BANP: variants seen among roughly 807,000 people sequenced by gnomAD.
BANP encodes the protein BTG3 associated nuclear protein, also known as protein BANP.
A neutral mutation model predicts 68.1 loss-of-function variants in BANP; 11 were observed. The observed-to-expected ratio is 0.16, with a 90% CI of 0.10 to 0.27. The LOEUF is 0.27. Among genes scored for constraint, BANP ranks in the 10% least tolerant of loss-of-function variants. The pLI, the probability that BANP is intolerant of heterozygous loss-of-function variation, is 1.00. For missense variants in BANP, 504 were observed against 722.7 expected, an observed-to-expected ratio of 0.70 and a Z score of 3.47; for synonymous variants, 329 against 303.2, an observed-to-expected ratio of 1.09 and a Z score of -0.88.
chr16:88,072,964 G>T (rs1236628654), intron 13 of BANP, among the ~76,000 whole-genome samples: 1 of 152,224 alleles, frequency 6.6e-6, no homozygotes, highest in Non-Finnish European at 1.5e-5. Context: ...CGCTGTCTTT[G>T]GGTCTGTTCC....
chr16:88,044,352 A>G (rs1250150690), intron 11 of BANP, among the ~76,000 whole-genome samples: 1 of 152,246 alleles, frequency 6.6e-6, no homozygotes, highest in African/African-American at 2.4e-5. Flanking sequence ...GCGAGAAGGC[A>G]GCTTTCCACT....
At chr16:88,008,065 A>G (rs1015736485) in intron 6 of BANP, among the ~76,000 whole-genome samples, 20 of 152,152 alleles carry the variant, frequency 1.3e-4, no homozygotes, top group African/African-American at 4.8e-4. Flanking sequence ...CACCCAGCTC[A>G]TCTCCGTCCT....
Position 87,984,170 on chromosome 16 carries a change from G to C in BANP, c.273G>C (p.Leu91=), listed in dbSNP as rs758876999. 3.1e-6 allele frequency: 5 copies of C among 1,608,366 alleles called. No individual in the cohort carries two copies. Among genetic ancestry groups the C allele is most frequent in the Non-Finnish European group, 4.2e-6 (5 of 1,176,846 alleles). The change falls in exon 4 of 14, where the codon CTG becomes CTC. Residue 91 remains leucine (L), a synonymous_variant. Coordinates refer to ENST00000682872, the MANE Select transcript of BANP (RefSeq NM_001386991.1). ...TCKSLEEKLD[L]VTNKQHSPIQ... is the part of the protein sequence containing the mutation. Reference sequence around the variant, plus strand: ...AATCCTTAGAAGAAAAGCTGGATCTGGTCACGAACAAGCAGCACAGCCCCA... The same window carrying C: ...AATCCTTAGAAGAAAAGCTGGATCTCGTCACGAACAAGCAGCACAGCCCCA...
chr16:88,062,581 G>T (rs1387942926), intron 11 of BANP, among the ~76,000 whole-genome samples: 1 of 152,180 alleles, frequency 6.6e-6, no homozygotes, highest in Non-Finnish European at 1.5e-5. Flanking sequence ...CCCCAACCAA[G>T]CCTCTCTTGA....
At chr16:88,042,221 G>A (rs1228580063) in intron 11 of BANP, among the ~76,000 whole-genome samples, 3 of 152,256 alleles carry the variant, frequency 2.0e-5, no homozygotes, top group Admixed American at 1.3e-4. Flanking sequence ...TCCCAAATGC[G>A]GGCAAGAAGT....
intron 11 of BANP, among the ~76,000 whole-genome samples, chr16:88,048,230 T>G (rs928287269): frequency 1.3e-5 from 2 of 152,252 alleles, no homozygotes; most frequent in Non-Finnish European, 2.9e-5. Context: ...TAATTTGATG[T>G]GATTGAAGAC....
chr16:88,018,256 G>A lies in BANP; in HGVS notation c.656-172G>A, dbSNP rs2075051555. ...CTGTTCCGCGTCAGTTCTTTCTTGG[G>A]CAGCAGTCGGAGGCTCCAGCGCTCT... is the stretch of plus-strand genomic sequence containing the variant. On this transcript the variant is annotated intron_variant, in intron 6 of 13. Transcript: ENST00000682872. This position sits in a 1 kb window ranked among gnomAD's most constrained non-coding sequence, Gnocchi z 7.7. Among the ~76,000 whole-genome samples the A allele has an allele frequency of 6.6e-6, 1 of 152,100 alleles. No homozygotes were observed. Among genetic ancestry groups the A allele is most frequent in the Non-Finnish European group, 1.5e-5 (1 of 68,018 alleles).
intron 1 of BANP, among the ~76,000 whole-genome samples, chr16:87,964,264 G>A (rs1352870263): frequency 6.6e-6 from 1 of 152,262 alleles, no homozygotes; most frequent in Non-Finnish European, 1.5e-5. Context: ...TTCACTGGAT[G>A]CGGTGCGGGC....
intron 11 of BANP, among the ~76,000 whole-genome samples, chr16:88,052,386 G>T (rs779865468): frequency 1.3e-5 from 2 of 152,114 alleles, no homozygotes; most frequent in African/African-American, 2.4e-5. Context: ...GAAGAGAAAT[G>T]AGATTAAATT....
intron 11 of BANP, among the ~76,000 whole-genome samples, chr16:88,063,621 C>G (rs1361123130): frequency 6.6e-6 from 1 of 152,200 alleles, no homozygotes; most frequent in Non-Finnish European, 1.5e-5. Flanking sequence ...AGACGAGTTT[C>G]AGATCCGATC....
intron 11 of BANP, among the ~76,000 whole-genome samples, chr16:88,062,221 G>A (rs544641273): frequency 2.0e-5 from 3 of 152,126 alleles, no homozygotes; most frequent in South Asian, 2.1e-4. Context: ...TTGGTTTTGC[G>A]TTGCACCTGA....
At chr16:88,066,950 C>T (rs1018264697) in intron 12 of BANP, among the ~76,000 whole-genome samples, 3 of 152,178 alleles carry the variant, frequency 2.0e-5, no homozygotes, top group South Asian at 2.1e-4. Context: ...AGCCATCGGC[C>T]GGGGCACATT....
chr16:88,043,679 G>A (rs1277284752), intron 11 of BANP, among the ~76,000 whole-genome samples: 1 of 152,140 alleles, frequency 6.6e-6, no homozygotes, highest in East Asian at 1.9e-4. Context: ...CCACAATCAG[G>A]GGCATCTGGA....
At chr16:87,963,884 C>G (rs1020814141) in intron 1 of BANP, among the ~76,000 whole-genome samples, 1 of 152,178 alleles carries the variant, frequency 6.6e-6, no homozygotes, top group African/African-American at 2.4e-5. Flanking sequence ...CAGTGGGTTT[C>G]CTTTTAGTCC....
intron 7 of BANP, among the ~76,000 whole-genome samples, chr16:88,020,115 G>A (rs1437445112): frequency 1.3e-5 from 2 of 152,224 alleles, no homozygotes; most frequent in African/African-American, 2.4e-5. Flanking sequence ...GTGGAGTAAA[G>A]CAGGTCAAGA....
intron 1 of BANP, among the ~76,000 whole-genome samples, chr16:87,968,249 C>T (rs1034628385): frequency 2.0e-5 from 3 of 150,912 alleles, no homozygotes; most frequent in Non-Finnish European, 4.4e-5. Flanking sequence ...TTTGGGAGAC[C>T]GAGGTGGGTG....
At chr16:87,981,388 T>G (rs533422860) in intron 3 of BANP, among the ~76,000 whole-genome samples, 5 of 152,366 alleles carry the variant, frequency 3.3e-5, no homozygotes, top group Admixed American at 2.0e-4. Context: ...CCTCTTCATG[T>G]TGCGGCCGCC....
At chr16:87,994,165 G>C (rs4843771) in intron 4 of BANP, among the ~76,000 whole-genome samples, 105,424 of 152,064 alleles carry the variant, frequency 0.69, 36,839 homozygotes, top group African/African-American at 0.74. Context: ...CGGCTTTTCA[G>C]CCAAACATGT....
Position 88,057,293 on chromosome 16 carries a change from G to C in BANP, c.1312-7974G>C, listed in dbSNP as rs1032243790. On this transcript the variant is annotated intron_variant, in intron 11 of 13. Coordinates refer to ENST00000682872, the MANE Select transcript of BANP (RefSeq NM_001386991.1). This position sits in a 1 kb window ranked among gnomAD's most constrained non-coding sequence, Gnocchi z 4.6. ...GCTTTGGGTGCCTCTGTGGGGAGCA[G>C]CTAATGGATGTGTAGACTCTTTTGC... 6.6e-6 allele frequency among the ~76,000 whole-genome samples: 1 copy of C among 152,210 alleles called. No individual in the cohort carries two copies. The highest frequency in any genetic ancestry group is 1.5e-5 in the Non-Finnish European group (1 of 68,050).
Sources: gnomAD v4.1 joint callset for allele counts (sites outside exome capture counted in the v4.1 genomes callset) on GRCh38, gnomAD v4.1.1 for gene constraint, Gnocchi (gnomAD v3.1) non-coding constraint, MANE v1.5 for transcripts, NCBI Gene and HGNC (gene_info 2026-07-23, HGNC 2026-07-21) for gene names.